Variants in TLN2 observed in about 807,000 individuals in gnomAD.
TLN2 encodes talin-2.
In TLN2, 118 loss-of-function variants were observed where a neutral mutation model predicts 294.7. That is an observed-to-expected ratio of 0.40 (90% confidence interval 0.34 to 0.47). The LOEUF is 0.47. Among genes scored for constraint, TLN2 ranks in the 20% least tolerant of loss-of-function variants. TLN2 has a pLI of 0.84. For synonymous variants in TLN2, 1,431 were observed against 1,304.5 expected, an observed-to-expected ratio of 1.10 and a Z score of -2.09; for missense variants, 3,083 against 3,282.2, an observed-to-expected ratio of 0.94 and a Z score of 1.48.
intron 1 of TLN2, among the ~76,000 whole-genome samples, chr15:62,520,637 A>G (rs1354287298): frequency 6.6e-6 from 1 of 152,242 alleles, no homozygotes; most frequent in Non-Finnish European, 1.5e-5. Flanking sequence ...TAACTACAGC[A>G]TAGAGACCAA....
At chr15:62,516,888 G>A (rs1413109844) in intron 1 of TLN2, among the ~76,000 whole-genome samples, 1 of 152,204 alleles carries the variant, frequency 6.6e-6, no homozygotes, top group Non-Finnish European at 1.5e-5. Context: ...GATAAACTTG[G>A]TCCTGAGTTT....
At chr15:62,757,614 A>G (rs1237414425) in intron 37 of TLN2, among the ~76,000 whole-genome samples, 1 of 152,166 alleles carries the variant, frequency 6.6e-6, no homozygotes, top group Non-Finnish European at 1.5e-5. Flanking sequence ...TTCTTTTCAG[A>G]TTCTCCTCAC....
Position 62,708,796 on chromosome 15 carries a change from G to A in TLN2, c.2467G>A (p.Gly823Ser). ...CATCTTCAGCTCCATGGGTGACGCT[G>A]GTAAGGCACTGTGCTGTGGGTGGGT... ...ESIFSSMGDAGEMVRQARVLA... is the reference protein window; with the variant it reads ...ESIFSSMGDASEMVRQARVLA... The change falls in exon 21 of 59, where the codon GGT (glycine) becomes AGT (serine). Residue 823 changes from glycine (G) to serine (S), a missense_variant and splice_region_variant. Physicochemically the swap from Gly to Ser is moderately conservative, Grantham distance 56. Coordinates refer to ENST00000636159, the MANE Select transcript of TLN2 (RefSeq NM_015059.3). 2 of 1,599,894 alleles carry A rather than the reference G, an allele frequency of 1.3e-6. No individual in the cohort carries two copies. Among genetic ancestry groups the A allele is most frequent in the Non-Finnish European group, 1.7e-6 (2 of 1,178,388 alleles).
intron 27 of TLN2, 150 bp from the exon 28 acceptor site, chr15:62,726,937 C>T (rs2060472362): frequency 2.6e-6 from 2 of 766,698 alleles, no homozygotes; most frequent in East Asian, 5.5e-5. Context: ...CGGGCTCCTT[C>T]TCCTGTACCA....
At chr15:62,653,442 T>C in intron 7 of TLN2, 128 bp downstream of exon 7, 1 of 1,194,906 alleles carries the variant, frequency 8.4e-7, no homozygotes, top group Non-Finnish European at 1.1e-6. Context: ...TTTAAAAAAG[T>C]AGGCTGGGCT....
At chr15:62,688,141 A>G (rs1392921509) in intron 12 of TLN2, among the ~76,000 whole-genome samples, 3 of 152,154 alleles carry the variant, frequency 2.0e-5, no homozygotes, top group African/African-American at 7.2e-5. Flanking sequence ...TGAAAACAAA[A>G]ATTTATTTAA....
intron 1 of TLN2, among the ~76,000 whole-genome samples, chr15:62,558,747 GT>G (rs2042746376): frequency 6.7e-6 from 1 of 149,494 alleles, no homozygotes; most frequent in Non-Finnish European, 1.5e-5. Context: ...TGGGCAGCAG[GT>G]TGGGGGAAGA....
intron 1 of TLN2, among the ~76,000 whole-genome samples, chr15:62,522,264 A>G (rs1013371516): frequency 1.3e-5 from 2 of 151,930 alleles, no homozygotes; most frequent in East Asian, 1.9e-4. Context: ...TCCCTCTTCT[A>G]TTTTAGAGGG....
At chr15:62,735,164 G>A (rs1039248816) in intron 28 of TLN2, among the ~76,000 whole-genome samples, 2 of 152,188 alleles carry the variant, frequency 1.3e-5, no homozygotes, top group Non-Finnish European at 2.9e-5. Context: ...AGTGTTTGTG[G>A]GCAAGATATG....
intron 1 of TLN2, among the ~76,000 whole-genome samples, chr15:62,437,561 C>G (rs116624822): frequency 5.3e-5 from 8 of 152,022 alleles, no homozygotes; most frequent in Non-Finnish European, 7.4e-5. Flanking sequence ...TCATCCTGCC[C>G]CTAGGTGTTT....
At chr15:62,763,478 A>G (rs779144589) in intron 39 of TLN2, 85 bp from the exon 40 acceptor site, 4 of 1,494,870 alleles carry the variant, frequency 2.7e-6, no homozygotes, top group South Asian at 1.4e-5. Flanking sequence ...GGAAGTGGAC[A>G]GGGATCCTGG....
chr15:62,400,036 C>T (rs956613903), intron 1 of TLN2, among the ~76,000 whole-genome samples: 3 of 152,188 alleles, frequency 2.0e-5, no homozygotes, highest in Non-Finnish European at 4.4e-5. Context: ...CCCATAATCC[C>T]CACAGCAGTG....
At position 62,755,593 on chromosome 15, in the gene TLN2, TC is replaced by T. The variant is rs2062198271; in HGVS notation, c.4539del (p.Ile1513MetfsTer10). 1 of 1,614,212 alleles carries T rather than the reference TC, an allele frequency of 6.2e-7. No individual in the cohort carries two copies. ...HTSALCNACR[I>X]ASSKTANPVA... ...TCAGCCTTGTGCAATGCCTGCCGCATCGCCTCATCCAAGACGGCCAACCCAG... is the reference window on the plus strand; with the variant it reads ...TCAGCCTTGTGCAATGCCTGCCGCATGCCTCATCCAAGACGGCCAACCCAG... On this transcript the variant is annotated frameshift_variant, in exon 37 of 59. Transcript: ENST00000636159. LOFTEE classifies it high-confidence loss of function.
At chr15:62,699,016 C>G in intron 16 of TLN2, 149 bp downstream of exon 16, 1 of 733,142 alleles carries the variant, frequency 1.4e-6, no homozygotes, top group Non-Finnish European at 2.3e-6. Context: ...CTTTGCCTCT[C>G]AGTTGCACCC....
At chr15:62,656,792 C>T (rs1392692145) in intron 8 of TLN2, among the ~76,000 whole-genome samples, 2 of 152,160 alleles carry the variant, frequency 1.3e-5, no homozygotes, top group Admixed American at 1.3e-4. Flanking sequence ...TATTGGAACA[C>T]AGCTTATGTA....
intron 1 of TLN2, among the ~76,000 whole-genome samples, chr15:62,457,880 G>A (rs1315529469): frequency 1.3e-5 from 2 of 152,216 alleles, no homozygotes; most frequent in Non-Finnish European, 2.9e-5. Context: ...ACCTAGAATG[G>A]ATTCCTACGG....
chr15:62,633,295 A>G (rs886527829), intron 3 of TLN2, among the ~76,000 whole-genome samples: 2 of 152,078 alleles, frequency 1.3e-5, no homozygotes, highest in African/African-American at 4.8e-5. Flanking sequence ...ATCTATGCTT[A>G]TATTTGTTTA....
intron 1 of TLN2, among the ~76,000 whole-genome samples, chr15:62,403,815 A>C (rs1266322645): frequency 6.6e-6 from 1 of 152,174 alleles, no homozygotes; most frequent in Non-Finnish European, 1.5e-5. Context: ...TTATGAGGTC[A>C]CGCCGGCATC....
At chr15:62,632,877 C>G (rs893396763) in intron 3 of TLN2, among the ~76,000 whole-genome samples, 2 of 152,186 alleles carry the variant, frequency 1.3e-5, no homozygotes, top group Non-Finnish European at 2.9e-5. Flanking sequence ...CAAGGAAAAA[C>G]ACCATTTGGT....
Sources: gnomAD v4.1 joint callset for allele counts (sites outside exome capture counted in the v4.1 genomes callset) on GRCh38, gnomAD v4.1.1 for gene constraint, MANE v1.5 for transcripts, NCBI Gene and HGNC (gene_info 2026-07-23, HGNC 2026-07-21) for gene names.